Variants in KIF26B observed in about 807,000 individuals in gnomAD.
The protein encoded by KIF26B is kinesin-like protein KIF26B.
A neutral mutation model predicts 151.2 loss-of-function variants in KIF26B; 63 were observed. The ratio of observed to expected loss-of-function variants is 0.42; its 90% CI spans 0.34 to 0.51. The LOEUF is 0.51. Ranked by LOEUF, KIF26B falls within the 20% of genes least tolerant of loss-of-function variation. KIF26B has a pLI of 0.07. For missense variants in KIF26B, 2,813 were observed against 2,913.6 expected, an observed-to-expected ratio of 0.97 and a Z score of 0.79; for synonymous variants, 1,357 against 1,262.1, an observed-to-expected ratio of 1.08 and a Z score of -1.59.
In KIF26B at chr1:245,560,025, G is replaced by T. The variant is rs184444114; in HGVS notation, c.1350+19075G>T. Among the ~76,000 whole-genome samples, 1 of 151,904 alleles carries T rather than the reference G, an allele frequency of 6.6e-6. No homozygotes were observed. Among genetic ancestry groups the T allele is most frequent in the Non-Finnish European group, 1.5e-5 (1 of 67,998 alleles). The stretch of plus-strand genomic sequence containing the variant: ...TGCCAGGGATGCTCGTCTCTCATTC[G>T]TTTTTTTGGCGTGGAAACACGCTGC... On this transcript the variant is annotated intron_variant, in intron 5 of 14. Coordinates refer to ENST00000407071, the MANE Select transcript of KIF26B (RefSeq NM_018012.4). The surrounding 1 kb of genome is among the most constrained non-coding windows in gnomAD (Gnocchi z 4.3).
At chr1:245,483,664 G>C (rs1293787802) in intron 4 of KIF26B, among the ~76,000 whole-genome samples, 1 of 151,934 alleles carries the variant, frequency 6.6e-6, no homozygotes, top group Non-Finnish European at 1.5e-5. Flanking sequence ...ACGTATGCAT[G>C]AAGGGCGTGG....
chr1:245,532,269 A>G (rs1366188630), intron 4 of KIF26B, among the ~76,000 whole-genome samples: 5 of 116,760 alleles, frequency 4.3e-5, no homozygotes, highest in East Asian at 4.3e-4. Flanking sequence ...TTTTTGAGAC[A>G]GAGTCTTGCT....
chr1:245,475,830 C>T (rs146153971), intron 4 of KIF26B, among the ~76,000 whole-genome samples: 4 of 151,892 alleles, frequency 2.6e-5, no homozygotes, highest in East Asian at 1.9e-4. Context: ...ACAGGGCAGC[C>T]GCTGTGGCAC....
intron 2 of KIF26B, among the ~76,000 whole-genome samples, chr1:245,340,011 A>G (rs1672306040): frequency 6.6e-6 from 1 of 152,204 alleles, no homozygotes; most frequent in Admixed American, 6.5e-5. Context: ...ATTTCCCCCC[A>G]ATACTGGCTG....
chr1:245,636,428 A>T (rs753671034), intron 9 of KIF26B, among the ~76,000 whole-genome samples: 88 of 151,734 alleles, frequency 5.8e-4, no homozygotes, highest in Non-Finnish European at 9.9e-4. Context: ...ATAGTTGTAC[A>T]TATTTTTGGA....
chr1:245,159,912 G>C (rs1668505613), intron 2 of KIF26B, among the ~76,000 whole-genome samples: 2 of 152,226 alleles, frequency 1.3e-5, no homozygotes, highest in African/African-American at 2.4e-5. Context: ...AACGGAGTGG[G>C]TGATAGTGTT....
intron 2 of KIF26B, among the ~76,000 whole-genome samples, chr1:245,169,899 A>G (rs1056414995): frequency 6.6e-5 from 10 of 152,138 alleles, no homozygotes; most frequent in Non-Finnish European, 1.3e-4. Flanking sequence ...ATCTCCTTCA[A>G]AGATTTAAGA....
Position 245,602,922 on chromosome 1 carries a change from C to T in KIF26B, c.1557+139C>T, listed in dbSNP as rs2043413293. Reference sequence around the variant, plus strand: ...GTTCCTTCAGGAGTCAATCTGAGCTCCACCGAATGGTCCAGTGCTTTTGAA... The same window carrying T: ...GTTCCTTCAGGAGTCAATCTGAGCTTCACCGAATGGTCCAGTGCTTTTGAA... On this transcript the variant is annotated intron_variant, in intron 6 of 14. Coordinates refer to ENST00000407071, the MANE Select transcript of KIF26B (RefSeq NM_018012.4). This position sits in a 1 kb window ranked among gnomAD's most constrained non-coding sequence, Gnocchi z 4.5. 1.3e-6 allele frequency: 1 copy of T among 757,618 alleles called. No individual in the cohort carries two copies. Among genetic ancestry groups the T allele is most frequent in the African/African-American group, 1.7e-5 (1 of 58,120 alleles). The allele number at this position is 757,618 out of a possible 1,614,324, so 46.9% of individuals were successfully genotyped here. A position where few individuals can be genotyped will look rare whatever the true frequency, so the allele number is the denominator to read the frequency against.
intron 2 of KIF26B, among the ~76,000 whole-genome samples, chr1:245,242,404 A>T (rs1250657144): frequency 6.6e-6 from 1 of 152,206 alleles, no homozygotes; most frequent in Non-Finnish European, 1.5e-5. Context: ...CTTGCAAAGG[A>T]TAATGTCTAC....
rs542107219 is a variant in KIF26B at position 245,658,805 on chromosome 1, C to T, written c.2258+12525C>T. Among the ~76,000 whole-genome samples the T allele has an allele frequency of 5.3e-5, 8 of 152,278 alleles. No homozygotes were observed. The South Asian group carries it at 1.7e-3, about 32-fold the overall frequency. ...AAGCCTTCTCTGATCTCCTTTCCCC[C>T]CTCCTAATTCTTTGCTCCAGGAAAG... On this transcript the variant is annotated intron_variant, in intron 10 of 14. Coordinates refer to ENST00000407071, the MANE Select transcript of KIF26B (RefSeq NM_018012.4).
intron 4 of KIF26B, among the ~76,000 whole-genome samples, chr1:245,435,093 A>G (rs1362843665): frequency 1.1e-5 from 1 of 94,932 alleles, no homozygotes; most frequent in African/African-American, 4.2e-5. Flanking sequence ...CCATCCATCC[A>G]TCTCTCCATC....
At chr1:245,356,644 CATTG>C (rs1327324806) in intron 2 of KIF26B, among the ~76,000 whole-genome samples, 3 of 152,198 alleles carry the variant, frequency 2.0e-5, no homozygotes, top group Non-Finnish European at 2.9e-5. Context: ...TTCATCGAGT[CATTG>C]ATTGATTCGA....
chr1:245,413,291 G>A (rs368121850), intron 3 of KIF26B, among the ~76,000 whole-genome samples: 21 of 152,320 alleles, frequency 1.4e-4, no homozygotes, highest in African/African-American at 4.6e-4. Context: ...GAAGAATCAT[G>A]TATCTTTCAC....
chr1:245,386,050 G>C (rs1385599837), intron 3 of KIF26B, among the ~76,000 whole-genome samples: 1 of 152,084 alleles, frequency 6.6e-6, no homozygotes, highest in Non-Finnish European at 1.5e-5. Flanking sequence ...AGACCACCCT[G>C]GCCAACATGG....
intron 4 of KIF26B, among the ~76,000 whole-genome samples, chr1:245,450,036 G>A (rs767602887): frequency 1.3e-5 from 2 of 152,170 alleles, no homozygotes; most frequent in African/African-American, 2.4e-5. Flanking sequence ...TTAGATGTGC[G>A]TGCTTTGCCT....
chr1:245,381,728 C>T (rs945669091), intron 3 of KIF26B, among the ~76,000 whole-genome samples: 1 of 152,166 alleles, frequency 6.6e-6, no homozygotes, highest in Non-Finnish European at 1.5e-5. Context: ...ACACTCACTG[C>T]CCATTCTCCC....
In KIF26B at chr1:245,640,160, T is replaced by TATATATATATATATATATATATATACAC. The variant is rs796722836; in HGVS notation, c.2099-5960_2099-5959insTATATATATATATATATATATATACACA. ...CTCTCTCTCTATATATATATATATA[T>TATATATATATATATATATATATATACAC]ACCCTGCTATTTGGTTATATATATT... On this transcript the variant is annotated intron_variant, in intron 9 of 14. Coordinates refer to ENST00000407071, the MANE Select transcript of KIF26B (RefSeq NM_018012.4). Among the ~76,000 whole-genome samples the TATATATATATATATATATATATATACAC allele has an allele frequency of 1.0e-3, 57 of 54,680 alleles. 2 individuals are homozygous for TATATATATATATATATATATATATACAC. Among genetic ancestry groups the TATATATATATATATATATATATATACAC allele is most frequent in the East Asian group, 3.0e-3 (3 of 992 alleles). The allele number at this position is 54,680 out of a possible 152,430, so 35.9% of individuals were successfully genotyped here.
At chr1:245,406,000 GAT>G (rs1674127649) in intron 3 of KIF26B, among the ~76,000 whole-genome samples, 2 of 152,062 alleles carry the variant, frequency 1.3e-5, no homozygotes, top group Non-Finnish European at 2.9e-5. Flanking sequence ...TGTCATTTTT[GAT>G]ATGTTTGTAT....
At position 245,702,390 on chromosome 1, in the gene KIF26B, T is replaced by C. The variant is rs2044783785; in HGVS notation, c.6179-68T>C. 1 of 1,578,258 alleles carries C rather than the reference T, an allele frequency of 6.3e-7. No homozygotes were observed. Among genetic ancestry groups the C allele is most frequent in the Non-Finnish European group, 8.7e-7 (1 of 1,153,488 alleles). ...AGATGTGGGGGTGGCAGCTCCAGGC[T>C]GAGCCGTCGGGAGTTGCTTCTCACC... On this transcript the variant is annotated intron_variant, in intron 14 of 14. Transcript: ENST00000407071. This position sits in a 1 kb window ranked among gnomAD's most constrained non-coding sequence, Gnocchi z 4.1.
Sources: gnomAD v4.1 joint callset for allele counts (sites outside exome capture counted in the v4.1 genomes callset) on GRCh38, gnomAD v4.1.1 for gene constraint, Gnocchi (gnomAD v3.1) non-coding constraint, MANE v1.5 for transcripts, NCBI Gene and HGNC (gene_info 2026-07-23, HGNC 2026-07-21) for gene names.